The following CATSPERB variants were observed in gnomAD, a reference collection of about 807,000 sequenced individuals.
CATSPERB encodes cation channel sperm-associated auxiliary subunit beta.
A neutral mutation model predicts 128.3 loss-of-function variants in CATSPERB; 93 were observed. The ratio of observed to expected loss-of-function variants is 0.72; its 90% CI spans 0.61 to 0.86. The LOEUF (loss-of-function observed/expected upper bound fraction) is 0.86. Ranked by LOEUF, CATSPERB falls within the 40% of genes least tolerant of loss-of-function variation. CATSPERB has a pLI of 0.00. For synonymous variants in CATSPERB, 381 were observed against 448.8 expected, an observed-to-expected ratio of 0.85 and a Z score of 1.91; for missense variants, 1,153 against 1,329.5, an observed-to-expected ratio of 0.87 and a Z score of 2.06.
At chr14:91,693,797 T>C (rs1039826414) in intron 7 of CATSPERB, among the ~76,000 whole-genome samples, 3 of 152,184 alleles carry the variant, frequency 2.0e-5, no homozygotes, top group Non-Finnish European at 4.4e-5. Context: ...ATATGCCAAA[T>C]ATGCCACTTT....
chr14:91,700,255 A>T (rs969440972), intron 7 of CATSPERB, among the ~76,000 whole-genome samples: 3 of 152,326 alleles, frequency 2.0e-5, no homozygotes, highest in Non-Finnish European at 4.4e-5. Flanking sequence ...TGCAAAAGAC[A>T]TGAACTCATT....
At chr14:91,694,909 C>T (rs1407072922) in intron 7 of CATSPERB, among the ~76,000 whole-genome samples, 1 of 152,114 alleles carries the variant, frequency 6.6e-6, no homozygotes, top group African/African-American at 2.4e-5. Context: ...GGCTAAGGAA[C>T]CTTGGCAATC....
chr14:91,697,897 T>C (rs2139849475), intron 7 of CATSPERB, among the ~76,000 whole-genome samples: 1 of 152,338 alleles, frequency 6.6e-6, no homozygotes, highest in African/African-American at 2.4e-5. Context: ...TAGACTAGTT[T>C]TTTCTAATTC....
chr14:91,729,738 C>T (rs79911934), intron 1 of CATSPERB, among the ~76,000 whole-genome samples: 1,706 of 150,810 alleles, frequency 0.011, 34 homozygotes, highest in African/African-American at 0.04. Context: ...AGTAGGTAAC[C>T]TTTAGAGAGG....
intron 22 of CATSPERB, among the ~76,000 whole-genome samples, chr14:91,599,838 C>T (rs1409019834): frequency 6.6e-6 from 1 of 152,106 alleles, no homozygotes; most frequent in East Asian, 1.9e-4. Flanking sequence ...TTCTGATTAG[C>T]CTTTCCAAAG....
At chr14:91,639,527 T>C (rs1225861677) in intron 15 of CATSPERB, among the ~76,000 whole-genome samples, 1 of 152,178 alleles carries the variant, frequency 6.6e-6, no homozygotes, top group Non-Finnish European at 1.5e-5. Context: ...GTTAGGTCTC[T>C]CTAGTAGTGG....
chr14:91,668,949 C>G (rs969537639), intron 14 of CATSPERB, among the ~76,000 whole-genome samples: 4 of 152,196 alleles, frequency 2.6e-5, no homozygotes, highest in Non-Finnish European at 5.9e-5. Flanking sequence ...CAAGAACCCA[C>G]CGGAAGGAAC....
At chr14:91,711,935 A>G (rs532680196) in intron 5 of CATSPERB, among the ~76,000 whole-genome samples, 25 of 152,358 alleles carry the variant, frequency 1.6e-4, no homozygotes, top group African/African-American at 6.0e-4. Flanking sequence ...AAAATTCCCC[A>G]ATATTTGAAC....
intron 17 of CATSPERB, among the ~76,000 whole-genome samples, chr14:91,632,528 T>C (rs1390028898): frequency 6.6e-6 from 1 of 152,194 alleles, no homozygotes; most frequent in Non-Finnish European, 1.5e-5. Context: ...GTAACAATTC[T>C]AAACTTATAT....
intron 23 of CATSPERB, 93 bp downstream of exon 23, chr14:91,591,799 A>G (rs1348660196): frequency 1.2e-6 from 1 of 823,404 alleles, no homozygotes; most frequent in African/African-American, 1.7e-5. Context: ...CATTATTTCT[A>G]TGTCTTAGTT....
intron 11 of CATSPERB, among the ~76,000 whole-genome samples, chr14:91,676,942 C>CG (rs1895201407): frequency 1.3e-5 from 2 of 152,032 alleles, no homozygotes; most frequent in Admixed American, 1.3e-4. Flanking sequence ...ATCTCATCTT[C>CG]GAAAAACCTG....
intron 14 of CATSPERB, 79 bp from the exon 15 acceptor site, chr14:91,660,060 A>G: frequency 7.7e-7 from 1 of 1,297,130 alleles, no homozygotes; most frequent in Non-Finnish European, 1.1e-6. Flanking sequence ...CTACATGAGA[A>G]TAGCCATGTG....
chr14:91,729,370 G>T, intron 2 of CATSPERB, 31 bp downstream of exon 2: 1 of 1,026,168 alleles, frequency 9.7e-7, no homozygotes, highest in East Asian at 2.6e-5. Context: ...TCCTGAGAAG[G>T]AAATAGAGAG....
At chr14:91,703,300 T>G (rs1256941743) in intron 7 of CATSPERB, among the ~76,000 whole-genome samples, 1 of 152,182 alleles carries the variant, frequency 6.6e-6, no homozygotes, top group African/African-American at 2.4e-5. Context: ...TTTTCGTCCC[T>G]GGCTCCTGAT....
chr14:91,699,666 C>G (rs546312077), intron 7 of CATSPERB, among the ~76,000 whole-genome samples: 1 of 151,436 alleles, frequency 6.6e-6, no homozygotes, highest in Non-Finnish European at 1.5e-5. Flanking sequence ...CTCTGCCTCC[C>G]GGGTTCAAGA....
At chr14:91,607,473 C>T (rs1393545832) in intron 22 of CATSPERB, among the ~76,000 whole-genome samples, 4 of 151,924 alleles carry the variant, frequency 2.6e-5, no homozygotes, top group East Asian at 1.9e-4. Context: ...GTGAAGGCCA[C>T]GGGGTGGAAA....
intron 13 of CATSPERB, among the ~76,000 whole-genome samples, chr14:91,671,952 G>A (rs937802528): frequency 2.2e-4 from 33 of 150,096 alleles, no homozygotes; most frequent in African/African-American, 8.1e-4. Context: ...CCCGGGAGGC[G>A]GAGCTTGCAG....
At chr14:91,630,499 T>C (rs2139796717) in intron 17 of CATSPERB, among the ~76,000 whole-genome samples, 1 of 152,324 alleles carries the variant, frequency 6.6e-6, no homozygotes, top group South Asian at 2.1e-4. Flanking sequence ...AACTCTGAAT[T>C]ACCCTGCCTG....
rs147480298 is a variant in CATSPERB at position 91,690,062 on chromosome 14, G to A, written c.864+1461C>T. Among the ~76,000 whole-genome samples, 6 of 152,222 alleles carry A rather than the reference G, an allele frequency of 3.9e-5. No individual in the cohort carries two copies. The East Asian group carries it at 5.8e-4, about 15-fold the overall frequency. On this transcript the variant is annotated intron_variant, in intron 10 of 26. Coordinates refer to ENST00000256343, the MANE Select transcript of CATSPERB (RefSeq NM_024764.4). Reference sequence around the variant, plus strand: ...GATTGGAGTGCAGTGGCACGATCTCGATTCACTGCAACCTCCGCCTCCTGG... The same window carrying A: ...GATTGGAGTGCAGTGGCACGATCTCAATTCACTGCAACCTCCGCCTCCTGG...
Sources: gnomAD v4.1 joint callset for allele counts (sites outside exome capture counted in the v4.1 genomes callset) on GRCh38, gnomAD v4.1.1 for gene constraint, MANE v1.5 for transcripts, NCBI Gene and HGNC (gene_info 2026-07-23, HGNC 2026-07-21) for gene names.